CACNB2: variants seen among roughly 807,000 people sequenced by gnomAD.
CACNB2 encodes the protein calcium voltage-gated channel auxiliary subunit beta 2.
In CACNB2, 42 loss-of-function variants were observed where a neutral mutation model predicts 73.3. The observed-to-expected ratio is 0.57, with a 90% CI of 0.45 to 0.74. The LOEUF is 0.74. Ranked by LOEUF, CACNB2 falls within the 30% of genes least tolerant of loss-of-function variation. The pLI, the probability that CACNB2 is intolerant of heterozygous loss-of-function variation, is 0.00. For missense variants in CACNB2, 940 were observed against 853.0 expected, an observed-to-expected ratio of 1.10 and a Z score of -1.27; for synonymous variants, 348 against 310.3, an observed-to-expected ratio of 1.12 and a Z score of -1.28.
chr10:18,325,675 T>TTCCCTCCCTCCCTCCC (rs200163707), intron 2 of CACNB2, among the ~76,000 whole-genome samples: 3 of 97,534 alleles, frequency 3.1e-5, no homozygotes, highest in Non-Finnish European at 4.4e-5. Flanking sequence ...TTCTTTCTCT[T>TTCCCTCCCTCCCTCCC]TCCCTCCCTC....
At chr10:18,522,124 T>A (rs1366561225) in intron 9 of CACNB2, among the ~76,000 whole-genome samples, 1 of 152,104 alleles carries the variant, frequency 6.6e-6, no homozygotes, top group Non-Finnish European at 1.5e-5. Context: ...CTAGGTTACA[T>A]GCTCCTTAGG....
chr10:18,469,552 T>C (rs10764520), intron 3 of CACNB2, among the ~76,000 whole-genome samples: 95,404 of 151,984 alleles, frequency 0.63, 30,075 homozygotes, highest in South Asian at 0.8. Flanking sequence ...ATTCCTAAAC[T>C]GTATCCAAAT....
intron 7 of CACNB2, 144 bp downstream of exon 7, chr10:18,514,513 A>G (rs748031434): frequency 1.2e-6 from 2 of 1,613,978 alleles, no homozygotes. Flanking sequence ...TGCTGTAGCT[A>G]AGCAGAAGCA....
chr10:18,358,943 A>T (rs1005798157), intron 2 of CACNB2, among the ~76,000 whole-genome samples: 1 of 152,122 alleles, frequency 6.6e-6, no homozygotes, highest in Non-Finnish European at 1.5e-5. Context: ...AAAACTTTAC[A>T]TGGCGTTTTT....
In CACNB2 at chr10:18,290,112, C is replaced by CTTTTTTTTTTTTTTTTTTTT. The variant is rs992393946; in HGVS notation, c.214-111804_214-111785dup. Among the ~76,000 whole-genome samples the CTTTTTTTTTTTTTTTTTTTT allele has an allele frequency of 1.4e-4, 7 of 50,136 alleles. 1 individual carries two copies. The highest frequency in any genetic ancestry group is 2.3e-4 in the Non-Finnish European group (6 of 26,226). 32.9% of individuals were successfully genotyped at this position (50,136 alleles called of 152,430 possible). ...TAAAGTTTTTTTCTTTTTTCTTTTT[C>CTTTTTTTTTTTTTTTTTTTT]TTTTTTTTTTTTTTTTTTTTTTTTT... On this transcript the variant is annotated intron_variant, in intron 2 of 13. Coordinates refer to ENST00000324631, the MANE Select transcript of CACNB2 (RefSeq NM_201596.3).
intron 2 of CACNB2, among the ~76,000 whole-genome samples, chr10:18,288,842 C>T (rs1588949600): frequency 1.3e-5 from 2 of 152,186 alleles, no homozygotes; most frequent in Non-Finnish European, 1.5e-5. Flanking sequence ...GTCAGGAGAT[C>T]GAGACCAGCC....
At chr10:18,410,436 C>G (rs2044553296) in intron 3 of CACNB2, among the ~76,000 whole-genome samples, 1 of 152,156 alleles carries the variant, frequency 6.6e-6, no homozygotes, top group Non-Finnish European at 1.5e-5. Flanking sequence ...GAGAATTCCC[C>G]TAACTAGCCT....
At chr10:18,535,158 T>C (rs1470726587) in intron 11 of CACNB2, among the ~76,000 whole-genome samples, 4 of 152,174 alleles carry the variant, frequency 2.6e-5, no homozygotes, top group Non-Finnish European at 5.9e-5. Context: ...GATCAATGAA[T>C]AACATTAATT....
At chr10:18,534,883 C>G (rs138884827) in intron 11 of CACNB2, among the ~76,000 whole-genome samples, 1 of 152,198 alleles carries the variant, frequency 6.6e-6, no homozygotes, top group Non-Finnish European at 1.5e-5. Context: ...CTTATTCCGA[C>G]TTGGTGTAGC....
At chr10:18,161,558 T>G (rs1261965961) in intron 2 of CACNB2, among the ~76,000 whole-genome samples, 1 of 151,882 alleles carries the variant, frequency 6.6e-6, no homozygotes, top group Non-Finnish European at 1.5e-5. Context: ...CCATTCTCAT[T>G]GCCATGGAAA....
chr10:18,409,585 GT>G (rs1191286362), intron 3 of CACNB2, among the ~76,000 whole-genome samples: 1 of 152,192 alleles, frequency 6.6e-6, no homozygotes, highest in Non-Finnish European at 1.5e-5. Flanking sequence ...TCTGGACAAT[GT>G]TTAATTTTTG....
intron 2 of CACNB2, among the ~76,000 whole-genome samples, chr10:18,383,607 C>T (rs899246221): frequency 3.9e-5 from 6 of 152,064 alleles, no homozygotes; most frequent in South Asian, 2.1e-4. Flanking sequence ...ATATTAGCAG[C>T]GAGGGGTAAA....
intron 2 of CACNB2, among the ~76,000 whole-genome samples, chr10:18,303,521 A>G (rs10828452): frequency 1.2e-4 from 18 of 151,936 alleles, no homozygotes; most frequent in African/African-American, 4.3e-4. Context: ...AAAGAAAATT[A>G]AAAAAAAGGG....
chr10:18,398,668 CACACACACACACACACACACACAT>C (rs1163354886), intron 2 of CACNB2, among the ~76,000 whole-genome samples: 2 of 97,924 alleles, frequency 2.0e-5, no homozygotes, highest in Admixed American at 9.7e-5. Flanking sequence ...GTGAGACTGT[CACACACACACACACACACACACAT>C]ACACACACAC....
chr10:18,262,092 G>A (rs868761797), intron 2 of CACNB2: 1 of 504,254 alleles, frequency 2.0e-6, no homozygotes, highest in Non-Finnish European at 4.0e-6. Context: ...ATGCAGGCTG[G>A]GCAAACTGCA....
chr10:18,174,706 G>C (rs187281297), intron 2 of CACNB2, among the ~76,000 whole-genome samples: 46 of 152,136 alleles, frequency 3.0e-4, no homozygotes, highest in African/African-American at 9.6e-4. Flanking sequence ...GCCGGGCCAA[G>C]ACATTTTATT....
chr10:18,260,716 G>C (rs971136475), intron 2 of CACNB2: 2 of 997,872 alleles, frequency 2.0e-6, no homozygotes, highest in Middle Eastern at 5.1e-4. Context: ...GCTGCTGTCA[G>C]CCTGTGCATT....
intron 2 of CACNB2, among the ~76,000 whole-genome samples, chr10:18,167,071 C>A (rs1278711322): frequency 6.6e-6 from 1 of 152,154 alleles, no homozygotes; most frequent in Non-Finnish European, 1.5e-5. Flanking sequence ...TCCACCTGCA[C>A]CCTGTTCTTC....
chr10:18,467,353 ACTGT>A (rs1311297209), intron 3 of CACNB2, among the ~76,000 whole-genome samples: 1 of 152,188 alleles, frequency 6.6e-6, no homozygotes, highest in Non-Finnish European at 1.5e-5. Context: ...ACACTTGAAG[ACTGT>A]CTGTGTTCCC....
Sources: gnomAD v4.1 joint callset for allele counts (sites outside exome capture counted in the v4.1 genomes callset) on GRCh38, gnomAD v4.1.1 for gene constraint, MANE v1.5 for transcripts, NCBI Gene and HGNC (gene_info 2026-07-23, HGNC 2026-07-21) for gene names.